OTULIN: variants seen among roughly 807,000 people sequenced by gnomAD.
OTULIN encodes OTU deubiquitinase with linear linkage specificity.
A neutral mutation model predicts 39.6 loss-of-function variants in OTULIN; 15 were observed. That is an observed-to-expected ratio of 0.38 (90% CI 0.25 to 0.58). The LOEUF (loss-of-function observed/expected upper bound fraction) is 0.58. Among genes scored for constraint, OTULIN ranks in the 20% least tolerant of loss-of-function variants. The pLI is 0.66. For synonymous variants in OTULIN, 156 were observed against 170.3 expected, an observed-to-expected ratio of 0.92 and a Z score of 0.65; for missense variants, 319 against 445.9, an observed-to-expected ratio of 0.72 and a Z score of 2.56.
intron 3 of OTULIN, among the ~76,000 whole-genome samples, chr5:14,680,787 G>A (rs886066277): frequency 2.0e-5 from 3 of 152,216 alleles, no homozygotes; most frequent in Non-Finnish European, 2.9e-5. Context: ...GGCGGGGCAC[G>A]GTGGCTCACG....
intron 6 of OTULIN, among the ~76,000 whole-genome samples, chr5:14,691,648 T>C (rs1177566183): frequency 1.3e-5 from 2 of 151,918 alleles, no homozygotes; most frequent in African/African-American, 4.8e-5. Context: ...TTGAAATACA[T>C]ATACCATAAA....
At chr5:14,709,554 T>C in the OTULIN span, 4 of 152,202 alleles carry the variant, frequency 2.6e-5, no homozygotes, top group African/African-American at 9.7e-5. Flanking sequence ...AACAATATGA[T>C]CACACAGCAC....
chr5:14,682,724 A>T (rs557913380), intron 4 of OTULIN, among the ~76,000 whole-genome samples: 7 of 152,102 alleles, frequency 4.6e-5, no homozygotes, highest in Non-Finnish European at 1.0e-4. Context: ...TATTTTTATT[A>T]TTTTTATTTT....
chr5:14,711,224 G>A, the OTULIN span: 94 of 1,613,922 alleles, frequency 5.8e-5, no homozygotes, highest in South Asian at 4.3e-4. Flanking sequence ...TCATTTCCAC[G>A]ATGTCTGTCA....
At chr5:14,704,936 A>G in the OTULIN span, 1 of 152,348 alleles carries the variant, frequency 6.6e-6, no homozygotes, top group Non-Finnish European at 1.5e-5. Flanking sequence ...AAAAACTTCC[A>G]TCTGTTAGAT....
the OTULIN span, among the ~76,000 whole-genome samples, chr5:14,714,150 C>T: frequency 6.6e-6 from 1 of 152,256 alleles, no homozygotes; most frequent in African/African-American, 2.4e-5. Flanking sequence ...GCTGCTCGTC[C>T]CCACTTCCCT....
chr5:14,673,408 G>C (rs116693148), intron 1 of OTULIN, among the ~76,000 whole-genome samples: 22 of 152,322 alleles, frequency 1.4e-4, no homozygotes, highest in African/African-American at 4.8e-4. Context: ...CAAATGAAGT[G>C]ATGTAACTTG....
chr5:14,704,292 T>C (rs1484469407), downstream of OTULIN, among the ~76,000 whole-genome samples: 1 of 120,012 alleles, frequency 8.3e-6, no homozygotes, highest in Non-Finnish European at 1.6e-5. Flanking sequence ...ATTGCGCCAC[T>C]GCACTCCAGC....
intron 1 of OTULIN, among the ~76,000 whole-genome samples, chr5:14,669,308 TGAGCCGA>T: frequency 1.3e-5 from 2 of 152,246 alleles, no homozygotes; most frequent in Non-Finnish European, 2.9e-5. Flanking sequence ...GAGGTTGCAG[TGAGCCGA>T]GACTGCGCCG....
chr5:14,693,414 T>C lies in OTULIN; in HGVS notation c.*366T>C. ...CTCTAATGGTAAACTGGCTTCTAATTTTTTTAAGTACAGTATTTTTTTTTC... is the reference window on the plus strand; with the variant it reads ...CTCTAATGGTAAACTGGCTTCTAATCTTTTTAAGTACAGTATTTTTTTTTC... On this transcript the variant is annotated 3_prime_UTR_variant, in exon 7 of 7. Coordinates refer to ENST00000284274, the MANE Select transcript of OTULIN (RefSeq NM_138348.6). 5.7e-6 allele frequency: 1 copy of C among 174,222 alleles called. No homozygotes were observed. The allele number at this position is 174,222 out of a possible 1,614,324, so 10.8% of individuals were successfully genotyped here.
chr5:14,692,012 T>G (rs1246943537), intron 6 of OTULIN, among the ~76,000 whole-genome samples: 2 of 152,264 alleles, frequency 1.3e-5, no homozygotes, highest in African/African-American at 4.8e-5. Context: ...GTATTTGGAT[T>G]GTTTCCACTT....
the OTULIN span, among the ~76,000 whole-genome samples, chr5:14,715,813 G>A: frequency 6.6e-6 from 1 of 152,216 alleles, no homozygotes; most frequent in Non-Finnish European, 1.5e-5. Context: ...TCATTCTTGT[G>A]TATAGTACAC....
rs1355538208 is a variant in OTULIN, at chr5:14,697,707, A to T, written c.*4659A>T. On this transcript the variant is annotated 3_prime_UTR_variant, in exon 7 of 7. Transcript: ENST00000284274. ...ATGCTTTTTAATAGCATTCATTAGCATTAATGGAGGAGGACACTGTGTTTT... is the reference window on the plus strand; with the variant it reads ...ATGCTTTTTAATAGCATTCATTAGCTTTAATGGAGGAGGACACTGTGTTTT... The T allele has an allele frequency of 1.3e-5, 2 of 152,200 alleles. No individual in the cohort carries two copies. Among genetic ancestry groups the T allele is most frequent in the Non-Finnish European group, 2.9e-5 (2 of 68,032 alleles). 9.4% of individuals were successfully genotyped at this position (152,200 alleles called of 1,614,324 possible). A position where few individuals can be genotyped will look rare whatever the true frequency, so the allele number is the denominator to read the frequency against.
At chr5:14,686,126 A>G (rs1736382542) in intron 4 of OTULIN, among the ~76,000 whole-genome samples, 1 of 152,208 alleles carries the variant, frequency 6.6e-6, no homozygotes, top group Non-Finnish European at 1.5e-5. Flanking sequence ...TGTGTTTTGT[A>G]GAAACCACCT....
chr5:14,690,721 T>C lies in OTULIN; in HGVS notation c.864+413T>C, dbSNP rs571619560. On this transcript the variant is annotated intron_variant, in intron 6 of 6. Transcript: ENST00000284274. The surrounding 1 kb of genome is among the most constrained non-coding windows in gnomAD (Gnocchi z 4.5). ...ATCTAGGATGTCACACACTGTTAGATTGTTTTCTACTTTTTAGAAACAAGT... is the reference window on the plus strand; with the variant it reads ...ATCTAGGATGTCACACACTGTTAGACTGTTTTCTACTTTTTAGAAACAAGT... Among the ~76,000 whole-genome samples, 19 of 152,194 alleles carry C rather than the reference T, an allele frequency of 1.2e-4. No individual in the cohort carries two copies. Among genetic ancestry groups the C allele is most frequent in the Non-Finnish European group, 2.5e-4 (17 of 68,034 alleles).
intron 2 of OTULIN, 91 bp from the exon 3 acceptor site, chr5:14,678,590 T>C: frequency 3.3e-6 from 3 of 896,654 alleles, no homozygotes; most frequent in Non-Finnish European, 4.9e-6. Context: ...AGAAAGAAAA[T>C]GAAGAGTGAA....
intron 6 of OTULIN, among the ~76,000 whole-genome samples, chr5:14,691,202 C>T (rs1157722761): frequency 6.6e-6 from 1 of 152,188 alleles, no homozygotes; most frequent in Non-Finnish European, 1.5e-5. Context: ...GCTAAAGTAG[C>T]ATTAAGGCTG....
At chr5:14,681,965 T>C (rs1736262030) in intron 4 of OTULIN, among the ~76,000 whole-genome samples, 1 of 152,248 alleles carries the variant, frequency 6.6e-6, no homozygotes, top group South Asian at 2.1e-4. Context: ...ATTTCTTTAG[T>C]TTTTAGCTAT....
chr5:14,713,482 C>T, the OTULIN span: 2 of 1,604,986 alleles, frequency 1.2e-6, no homozygotes, highest in Non-Finnish European at 1.7e-6. This position sits in a 1 kb window ranked among gnomAD's most constrained non-coding sequence, Gnocchi z 4.4. Context: ...AGCTGTTAAA[C>T]CTCTGGACAC....
Sources: gnomAD v4.1 joint callset for allele counts (sites outside exome capture counted in the v4.1 genomes callset) on GRCh38, gnomAD v4.1.1 for gene constraint, Gnocchi (gnomAD v3.1) non-coding constraint, MANE v1.5 for transcripts, NCBI Gene and HGNC (gene_info 2026-07-23, HGNC 2026-07-21) for gene names.